RUFY2: variants seen among roughly 807,000 people sequenced by gnomAD.
RUFY2 encodes the protein RUN and FYVE domain-containing protein 2.
Under a neutral mutation model 94.4 loss-of-function variants are expected in RUFY2, and 49 were observed. That is an observed-to-expected ratio of 0.52 (90% CI 0.41 to 0.66). The LOEUF (loss-of-function observed/expected upper bound fraction) is 0.66. RUFY2 is among the 30% of genes least tolerant of loss of function. The pLI, the probability that RUFY2 is intolerant of heterozygous loss-of-function variation, is 0.00. For missense variants in RUFY2, 541 were observed against 692.8 expected, an observed-to-expected ratio of 0.78 and a Z score of 2.46; for synonymous variants, 255 against 235.7, an observed-to-expected ratio of 1.08 and a Z score of -0.75.
intron 12 of RUFY2, chr10:68,377,522 G>T: frequency 1.0e-6 from 1 of 988,168 alleles, no homozygotes; most frequent in Non-Finnish European, 1.2e-6. Flanking sequence ...CTGTGTGTGT[G>T]TGTGTGTGCA....
At chr10:68,407,032 C>T (rs1029750179) in intron 1 of RUFY2, 154 bp downstream of exon 1, 1 of 1,484,082 alleles carries the variant, frequency 6.7e-7, no homozygotes. Flanking sequence ...CGGGAGCCCC[C>T]GAGTCCCAGG....
At chr10:68,385,735 A>G (rs1337202333) in intron 8 of RUFY2, among the ~76,000 whole-genome samples, 2 of 152,178 alleles carry the variant, frequency 1.3e-5, no homozygotes, top group African/African-American at 2.4e-5. Context: ...TGATTACACT[A>G]GGTAAATATA....
At chr10:68,382,404 T>C (rs1248934182) in intron 10 of RUFY2, among the ~76,000 whole-genome samples, 2 of 151,732 alleles carry the variant, frequency 1.3e-5, no homozygotes, top group Admixed American at 6.6e-5. Flanking sequence ...ATTAAAAAGT[T>C]TCTTATGATT....
At chr10:68,346,201 T>TA in intron 16 of RUFY2, 117 bp from the exon 17 acceptor site, 1 of 771,246 alleles carries the variant, frequency 1.3e-6, no homozygotes, top group East Asian at 2.7e-5. Flanking sequence ...GAAAATAAGT[T>TA]ATTTTCTTTG....
chr10:68,342,206 G>A, downstream of RUFY2: 2 of 552,346 alleles, frequency 3.6e-6, no homozygotes, highest in Non-Finnish European at 6.3e-6. Context: ...GATTGTGATG[G>A]GAAAATGTTT....
rs2046090998 is a variant in RUFY2, at chr10:68,343,481, GT to G, written c.*2286del. 6.6e-6 allele frequency: 1 copy of G among 152,506 alleles called. No homozygotes were observed. The highest frequency in any genetic ancestry group is 2.4e-5 in the African/African-American group (1 of 41,396). The allele number at this position is 152,506 out of a possible 1,614,324, so 9.4% of individuals were successfully genotyped here. On this transcript the variant is annotated 3_prime_UTR_variant, in exon 18 of 18. Transcript: ENST00000602465. ...CATCTTAAAGCAGTAAAAGTATACAGTATTAATGAAACCAAAATTGCCCTTT... is the reference window on the plus strand; with the variant it reads ...CATCTTAAAGCAGTAAAAGTATACAGATTAATGAAACCAAAATTGCCCTTT...
downstream of RUFY2, chr10:68,342,920 TA>T (rs956720325): frequency 1.3e-4 from 20 of 152,158 alleles, no homozygotes; most frequent in African/African-American, 4.8e-4. Context: ...ATGATGACTT[TA>T]AAAAAATGTA....
intron 4 of RUFY2, 58 bp downstream of exon 4, chr10:68,396,722 G>A (rs1011725994): frequency 9.2e-7 from 1 of 1,092,628 alleles, no homozygotes; most frequent in African/African-American, 1.6e-5. Context: ...AATCCTTTTT[G>A]GAAGACAGCA....
At chr10:68,398,378 G>A (rs529076351) in intron 3 of RUFY2, among the ~76,000 whole-genome samples, 109 of 152,108 alleles carry the variant, frequency 7.2e-4, no homozygotes, top group African/African-American at 2.4e-3. Flanking sequence ...GTGGCCTGGC[G>A]TGGTGGCTCA....
rs1293536687 is a variant in RUFY2, at chr10:68,376,460, A to G, written c.1325+393T>C. On this transcript the variant is annotated intron_variant, in intron 13 of 17. Transcript: ENST00000602465. ...AATGTGTGTATATATATATATATAT[A>G]TATATATATATATATATATATATAT... Among the ~76,000 whole-genome samples, 13 of 28,118 alleles carry G rather than the reference A, an allele frequency of 4.6e-4. 1 individual carries two copies. The highest frequency in any genetic ancestry group is 1.8e-3 in the African/African-American group (13 of 7,376). 18.4% of individuals were successfully genotyped at this position (28,118 alleles called of 152,430 possible). A position where few individuals can be genotyped will look rare whatever the true frequency, so the allele number is the denominator to read the frequency against.
At chr10:68,352,080 T>C (rs971655613) in intron 16 of RUFY2, among the ~76,000 whole-genome samples, 5 of 150,112 alleles carry the variant, frequency 3.3e-5, no homozygotes, top group African/African-American at 4.9e-5. Flanking sequence ...AAAAAAAGTG[T>C]GAGGATAAAA....
At chr10:68,390,699 T>C (rs2049908371) in intron 7 of RUFY2, among the ~76,000 whole-genome samples, 1 of 152,088 alleles carries the variant, frequency 6.6e-6, no homozygotes. Context: ...TGGGCTCAGG[T>C]GATCCTCTCG....
At chr10:68,395,542 G>A (rs992084019) in intron 4 of RUFY2, among the ~76,000 whole-genome samples, 56 of 152,096 alleles carry the variant, frequency 3.7e-4, no homozygotes, top group African/African-American at 1.2e-3. Flanking sequence ...TCAAGTCAAT[G>A]CATTTGATAG....
At chr10:68,397,576 AT>A (rs1196678793) in intron 3 of RUFY2, among the ~76,000 whole-genome samples, 7 of 151,726 alleles carry the variant, frequency 4.6e-5, no homozygotes, top group East Asian at 3.9e-4. Flanking sequence ...TATAAAAAAA[AT>A]AAATTAATTA....
intron 7 of RUFY2, among the ~76,000 whole-genome samples, chr10:68,387,218 G>T (rs1048785436): frequency 5.9e-5 from 9 of 152,004 alleles, no homozygotes; most frequent in African/African-American, 2.2e-4. Flanking sequence ...TTAGCCAAGC[G>T]TGGTGGCGGG....
intron 15 of RUFY2, among the ~76,000 whole-genome samples, chr10:68,358,286 T>C (rs2047194908): frequency 6.6e-6 from 1 of 152,312 alleles, no homozygotes; most frequent in East Asian, 1.9e-4. Context: ...AATCAAATGA[T>C]ATATCAGATA....
chr10:68,383,304 G>A (rs1446345825), intron 10 of RUFY2, among the ~76,000 whole-genome samples: 1 of 143,090 alleles, frequency 7.0e-6, no homozygotes, highest in East Asian at 2.2e-4. Context: ...CAGCCTGAGT[G>A]ACAGAGCAAG....
chr10:68,349,167 T>C (rs1274422963), intron 16 of RUFY2, among the ~76,000 whole-genome samples: 2 of 152,172 alleles, frequency 1.3e-5, no homozygotes, highest in African/African-American at 4.8e-5. Context: ...ATAACTCTTA[T>C]TTGTGCCTTT....
intron 12 of RUFY2, chr10:68,378,519 G>C (rs1334563312): frequency 6.8e-6 from 10 of 1,463,070 alleles, no homozygotes; most frequent in African/African-American, 1.4e-5. Flanking sequence ...TTATAAAATT[G>C]TTGATTCTCT....
Sources: allele counts gnomAD v4.1 joint callset (sites outside exome capture counted in the v4.1 genomes callset), GRCh38; gene constraint gnomAD v4.1.1; transcripts MANE v1.5; gene names NCBI Gene and HGNC (gene_info 2026-07-23, HGNC 2026-07-21).